Variants in PTPRG observed in about 807,000 individuals in gnomAD.
The protein encoded by PTPRG is receptor-type tyrosine-protein phosphatase gamma.
In PTPRG, 102 loss-of-function variants were observed where a neutral mutation model predicts 165.3. The ratio of observed to expected loss-of-function variants is 0.62; its 90% CI spans 0.53 to 0.73. The LOEUF (loss-of-function observed/expected upper bound fraction) is 0.73, where lower values mean the gene tolerates loss of function less well. Ranked by LOEUF, PTPRG falls within the 30% of genes least tolerant of loss-of-function variation. The pLI is 0.00. For missense variants in PTPRG, 1,866 were observed against 1,861.4 expected (o/e 1.00, Z -0.05); for synonymous variants, 675 against 669.5 (o/e 1.01, Z -0.13).
intron 1 of PTPRG, among the ~76,000 whole-genome samples, chr3:61,630,785 C>T (rs1313071486): frequency 2.6e-5 from 4 of 152,018 alleles, no homozygotes; most frequent in East Asian, 1.9e-4. Flanking sequence ...TAGCGGGGCG[C>T]GGTGGCTCAT....
chr3:61,658,294 G>C (rs1702564374), intron 1 of PTPRG, among the ~76,000 whole-genome samples: 1 of 152,184 alleles, frequency 6.6e-6, no homozygotes, highest in African/African-American at 2.4e-5. Context: ...TATGAATTCA[G>C]ATGTCCCTGA....
intron 8 of PTPRG, among the ~76,000 whole-genome samples, chr3:62,175,160 G>A (rs1441007897): frequency 2.6e-5 from 4 of 152,106 alleles, no homozygotes; most frequent in African/African-American, 7.2e-5. Context: ...CATTTGATAG[G>A]TTGACATAAT....
intron 4 of PTPRG, among the ~76,000 whole-genome samples, chr3:62,042,660 G>GT (rs1700166311): frequency 6.6e-6 from 1 of 152,134 alleles, no homozygotes; most frequent in African/African-American, 2.4e-5. Context: ...CTCCACTCCA[G>GT]TTCCTCTACT....
chr3:62,000,281 CAAA>C (rs5849454), intron 3 of PTPRG, among the ~76,000 whole-genome samples: 9 of 102,554 alleles, frequency 8.8e-5, no homozygotes, highest in Admixed American at 1.1e-4. Context: ...ACTCTGTCTC[CAAA>C]AAAAAAAAAA....
chr3:61,866,403 G>A (rs551203130), intron 2 of PTPRG, among the ~76,000 whole-genome samples: 2 of 152,044 alleles, frequency 1.3e-5, no homozygotes, highest in African/African-American at 2.4e-5. Flanking sequence ...GGAAACTTCT[G>A]ACCCCACTGT....
rs758601869 is a variant in PTPRG at position 62,254,793 on chromosome 3, G to A, written c.2468-331G>A. On this transcript the variant is annotated intron_variant, in intron 15 of 29. Transcript: ENST00000474889. The surrounding 1 kb of genome is among the most constrained non-coding windows in gnomAD (Gnocchi z 4.6). The stretch of plus-strand genomic sequence containing the variant: ...GTGTGATAAAATTTCTTGGCAAATG[G>A]GTACCCTTGATAAATTCACACTTTT... Among the ~76,000 whole-genome samples the A allele has an allele frequency of 6.6e-6, 1 of 151,900 alleles. No homozygotes were observed. Among genetic ancestry groups the A allele is most frequent in the Admixed American group, 6.6e-5 (1 of 15,226 alleles).
chr3:61,908,434 A>AG lies in PTPRG; in HGVS notation c.191-81191_191-81190insG, dbSNP rs372455231. Among the ~76,000 whole-genome samples, 10 of 150,818 alleles carry AG rather than the reference A, an allele frequency of 6.6e-5. No individual in the cohort carries two copies. In the South Asian group the frequency reaches 1.7e-3, roughly 25 times the overall value. Reference sequence around the variant, plus strand: ...AGCAAAAAAAAAAAAAAAAAAAAAAATCAGTTTTTCAGAAGTGGAAATCTA... The same window carrying AG: ...AGCAAAAAAAAAAAAAAAAAAAAAAAGTCAGTTTTTCAGAAGTGGAAATCTA... On this transcript the variant is annotated intron_variant, in intron 2 of 29. Transcript: ENST00000474889.
chr3:61,968,378 T>A (rs772105376), intron 2 of PTPRG, among the ~76,000 whole-genome samples: 5 of 152,170 alleles, frequency 3.3e-5, no homozygotes, highest in Admixed American at 6.5e-5. Flanking sequence ...GTTCATCCCT[T>A]TTTGACGCTA....
At position 61,666,046 on chromosome 3, in the gene PTPRG, T is replaced by C. The variant is rs1280767000; in HGVS notation, c.86-82832T>C. Among the ~76,000 whole-genome samples, 4 of 151,992 alleles carry C rather than the reference T, an allele frequency of 2.6e-5. 1 individual carries two copies. Among genetic ancestry groups the C allele is most frequent in the African/African-American group, 7.3e-5 (3 of 41,364 alleles). On this transcript the variant is annotated intron_variant, in intron 1 of 29. Coordinates refer to ENST00000474889, the MANE Select transcript of PTPRG (RefSeq NM_002841.4). ...ACTGGGAACTGGAAACAGGTGGCTG[T>C]GTATCTTAGTAAATAAAGAACGATG...
At chr3:61,585,018 C>T (rs983217377) in intron 1 of PTPRG, among the ~76,000 whole-genome samples, 5 of 152,120 alleles carry the variant, frequency 3.3e-5, no homozygotes, top group Admixed American at 1.3e-4. Flanking sequence ...TGGTGGTTCA[C>T]GCCTGTAATC....
intron 5 of PTPRG, among the ~76,000 whole-genome samples, chr3:62,100,004 G>GAC (rs1702237108): frequency 6.6e-6 from 1 of 151,826 alleles, no homozygotes; most frequent in South Asian, 2.1e-4. Flanking sequence ...TCACCATGTT[G>GAC]ACCAGGCTGG....
chr3:61,694,936 T>C (rs2030474412), intron 1 of PTPRG, among the ~76,000 whole-genome samples: 1 of 152,196 alleles, frequency 6.6e-6, no homozygotes, highest in African/African-American at 2.4e-5. Flanking sequence ...ATGGAAGAAC[T>C]GTTACCAAAA....
chr3:62,120,882 T>C (rs1421664665), intron 5 of PTPRG, among the ~76,000 whole-genome samples: 1 of 152,092 alleles, frequency 6.6e-6, no homozygotes, highest in Non-Finnish European at 1.5e-5. Context: ...TTTTGGAACT[T>C]TGTGTGTTCC....
intron 26 of PTPRG, among the ~76,000 whole-genome samples, chr3:62,280,564 C>T (rs1209133136): frequency 6.6e-6 from 1 of 151,904 alleles, no homozygotes; most frequent in African/African-American, 2.4e-5. Flanking sequence ...CAAAAGATAC[C>T]AAATGTTGGT....
chr3:62,057,996 C>A (rs564060598), intron 4 of PTPRG, among the ~76,000 whole-genome samples: 4 of 152,326 alleles, frequency 2.6e-5, no homozygotes, highest in African/African-American at 7.2e-5. Context: ...AATACTCTAA[C>A]CCTTAGACCA....
chr3:61,811,794 A>G (rs1019754127), intron 2 of PTPRG, among the ~76,000 whole-genome samples: 2 of 152,206 alleles, frequency 1.3e-5, no homozygotes, highest in African/African-American at 4.8e-5. Context: ...GGCTTAAAAT[A>G]TAAAAATTCC....
At chr3:61,910,591 C>A (rs774873576) in intron 2 of PTPRG, among the ~76,000 whole-genome samples, 1 of 152,050 alleles carries the variant, frequency 6.6e-6, no homozygotes, top group Non-Finnish European at 1.5e-5. Flanking sequence ...ACTGTGTTTT[C>A]TTAATTATGT....
At chr3:61,625,507 C>A (rs557587797) in intron 1 of PTPRG, among the ~76,000 whole-genome samples, 1 of 151,968 alleles carries the variant, frequency 6.6e-6, no homozygotes, top group South Asian at 2.1e-4. Context: ...TGGTAATGAT[C>A]GGCTCTTAGG....
At chr3:61,854,174 C>A (rs193123003) in intron 2 of PTPRG, among the ~76,000 whole-genome samples, 2 of 152,184 alleles carry the variant, frequency 1.3e-5, no homozygotes, top group Non-Finnish European at 2.9e-5. Context: ...GTACTACACA[C>A]ATGCACAACA....
Sources: allele counts gnomAD v4.1 joint callset (sites outside exome capture counted in the v4.1 genomes callset), GRCh38; gene constraint gnomAD v4.1.1; non-coding constraint Gnocchi (gnomAD v3.1); transcripts MANE v1.5; gene names NCBI Gene and HGNC (gene_info 2026-07-23, HGNC 2026-07-21).